Variants in FBXL17 observed in about 807,000 individuals in gnomAD.
FBXL17 encodes F-box/LRR-repeat protein 17.
FBXL17 carries 22 observed loss-of-function variants against 66.2 expected under a neutral mutation model. The observed-to-expected ratio is 0.33, with a 90% CI of 0.24 to 0.47. FBXL17 has a LOEUF of 0.47. FBXL17 is among the 20% of genes least tolerant of loss of function. The pLI is 1.00. For missense variants in FBXL17, 878 were observed against 948.2 expected, an observed-to-expected ratio of 0.93 and a Z score of 0.97; for synonymous variants, 474 against 400.5, an observed-to-expected ratio of 1.18 and a Z score of -2.19.
intron 5 of FBXL17, among the ~76,000 whole-genome samples, chr5:108,223,697 T>C (rs753906906): frequency 6.6e-6 from 1 of 152,154 alleles, no homozygotes; most frequent in Non-Finnish European, 1.5e-5. Context: ...ATGTAAATTT[T>C]TGTCATATAT....
chr5:108,072,539 T>C (rs1052524797), intron 6 of FBXL17, among the ~76,000 whole-genome samples: 1 of 152,156 alleles, frequency 6.6e-6, no homozygotes, highest in African/African-American at 2.4e-5. Flanking sequence ...CCGTCTCTAC[T>C]AAAAATATTT....
chr5:108,252,212 C>G (rs761719916), intron 4 of FBXL17, among the ~76,000 whole-genome samples: 1 of 152,060 alleles, frequency 6.6e-6, no homozygotes, highest in Non-Finnish European at 1.5e-5. Flanking sequence ...TGTAAAGTGT[C>G]TTCATCTGTA....
intron 6 of FBXL17, among the ~76,000 whole-genome samples, chr5:108,068,752 C>T (rs113915004): frequency 0.015 from 2,252 of 152,212 alleles, 71 homozygotes; most frequent in African/African-American, 0.051. Flanking sequence ...CCACTGCGCC[C>T]GGCCAATACT....
intron 6 of FBXL17, among the ~76,000 whole-genome samples, chr5:108,116,326 T>A (rs1750246929): frequency 6.6e-6 from 1 of 151,896 alleles, no homozygotes; most frequent in Non-Finnish European, 1.5e-5. Context: ...ATATCATTAA[T>A]TCAAATCGGG....
chr5:108,316,032 A>G (rs1339943555), intron 4 of FBXL17, among the ~76,000 whole-genome samples: 1 of 151,502 alleles, frequency 6.6e-6, no homozygotes, highest in Admixed American at 6.6e-5. Flanking sequence ...CCTGACATCT[A>G]TTAAACAAAG....
At chr5:108,194,390 C>T (rs563397253) in intron 5 of FBXL17, among the ~76,000 whole-genome samples, 18 of 152,196 alleles carry the variant, frequency 1.2e-4, no homozygotes, top group African/African-American at 3.4e-4. Context: ...AAAAAGTCTT[C>T]GAAATATACT....
intron 6 of FBXL17, among the ~76,000 whole-genome samples, chr5:108,075,816 C>T (rs1005215204): frequency 2.0e-5 from 3 of 151,988 alleles, no homozygotes; most frequent in Admixed American, 6.6e-5. Context: ...ACCTTTCTCA[C>T]AGCTAAACTT....
rs1748128303 is a variant in FBXL17 at position 107,861,735 on chromosome 5, A to G, written c.2091T>C (p.Ser697=). The G allele has an allele frequency of 1.9e-6, 3 of 1,578,352 alleles. No individual in the cohort carries two copies. Among genetic ancestry groups the G allele is most frequent in the Admixed American group, 1.8e-5 (1 of 56,466 alleles). ...AYQMGWTPNM[S]AASS is the part of the protein sequence containing the mutation. ...GGCAGGAGCGCTAGGAGGAGGCGGC[A>G]GACATGTTGGGGGTCCAGCCCATCT... Residue 697 remains serine (S), a synonymous_variant, in exon 9 of 9, where the codon TCT becomes TCC. Transcript: ENST00000542267.
At chr5:108,179,148 A>C (rs910908442) in intron 6 of FBXL17, among the ~76,000 whole-genome samples, 8 of 152,210 alleles carry the variant, frequency 5.3e-5, no homozygotes, top group Non-Finnish European at 8.8e-5. Context: ...TTGGAAATAA[A>C]ACACAATGGG....
At chr5:108,326,866 C>G (rs1472050117) in intron 4 of FBXL17, among the ~76,000 whole-genome samples, 1 of 152,096 alleles carries the variant, frequency 6.6e-6, no homozygotes, top group Non-Finnish European at 1.5e-5. Flanking sequence ...TCAAACATTG[C>G]TAGCAGGAGT....
intron 6 of FBXL17, among the ~76,000 whole-genome samples, chr5:108,148,356 G>T (rs1751641592): frequency 6.6e-6 from 1 of 152,048 alleles, no homozygotes; most frequent in Non-Finnish European, 1.5e-5. Flanking sequence ...TCCAAATAAG[G>T]CTAGTGCTCC....
chr5:108,285,876 G>A (rs1388179407), intron 4 of FBXL17, among the ~76,000 whole-genome samples: 1 of 150,316 alleles, frequency 6.7e-6, no homozygotes, highest in South Asian at 2.1e-4. Context: ...GATGAACATA[G>A]ACACAAAAAT....
chr5:107,968,360 A>G (rs1055557453), intron 7 of FBXL17, among the ~76,000 whole-genome samples: 2 of 152,184 alleles, frequency 1.3e-5, no homozygotes, highest in African/African-American at 4.8e-5. Context: ...AAGTTTACTT[A>G]TGTATATAAA....
rs868049172 is a variant in FBXL17, at chr5:108,099,198, T to C, written c.1746-78197A>G. ...ACATTTTTTTTAAAAACCTGAACTT[T>C]AATATAGTTGATTAATGGTTGAACT... On this transcript the variant is annotated intron_variant, in intron 6 of 8. Transcript: ENST00000542267. Among the ~76,000 whole-genome samples, 10 of 152,178 alleles carry C rather than the reference T, an allele frequency of 6.6e-5. No homozygotes were observed. The South Asian group carries it at 1.9e-3, about 28-fold the overall frequency.
chr5:108,334,951 T>G (rs1760308581), intron 4 of FBXL17, among the ~76,000 whole-genome samples: 1 of 152,148 alleles, frequency 6.6e-6, no homozygotes, highest in Admixed American at 6.5e-5. Context: ...AACGTACATA[T>G]TTACAAGAAG....
At chr5:108,003,130 G>T (rs114453323) in intron 7 of FBXL17, among the ~76,000 whole-genome samples, 3,723 of 152,294 alleles carry the variant, frequency 0.024, 148 homozygotes, top group African/African-American at 0.079. Context: ...GCTACCTTGA[G>T]GAAGCTTGCT....
chr5:108,307,488 T>C (rs1485027784), intron 4 of FBXL17, among the ~76,000 whole-genome samples: 2 of 151,996 alleles, frequency 1.3e-5, no homozygotes, highest in African/African-American at 4.8e-5. Context: ...TTAATTTTTT[T>C]GTAGACACAG....
At chr5:108,095,373 G>A (rs1409532779) in intron 6 of FBXL17, among the ~76,000 whole-genome samples, 1 of 152,016 alleles carries the variant, frequency 6.6e-6, no homozygotes, top group Non-Finnish European at 1.5e-5. Flanking sequence ...CAGGAAGAAA[G>A]AGAGGGGATG....
intron 6 of FBXL17, among the ~76,000 whole-genome samples, chr5:108,033,819 T>A (rs957906547): frequency 6.6e-6 from 1 of 152,154 alleles, no homozygotes; most frequent in African/African-American, 2.4e-5. Flanking sequence ...AAAGACGAGT[T>A]CAACATTAAA....
Sources: allele counts gnomAD v4.1 joint callset (sites outside exome capture counted in the v4.1 genomes callset), GRCh38; gene constraint gnomAD v4.1.1; transcripts MANE v1.5; gene names NCBI Gene and HGNC (gene_info 2026-07-23, HGNC 2026-07-21).